GMDS: variants seen among roughly 807,000 people sequenced by gnomAD.
The protein encoded by GMDS is GDP-mannose 4,6-dehydratase, also known as GDP-mannose 4,6 dehydratase.
GMDS carries 20 observed loss-of-function variants against 49.9 expected under a neutral mutation model. That is an observed-to-expected ratio of 0.40 (90% CI 0.28 to 0.58). GMDS has a LOEUF of 0.58. GMDS is among the 20% of genes least tolerant of loss of function. The probability of loss-of-function intolerance (pLI) is 0.42; values close to 1 mark genes in which losing one functional copy is unlikely to be tolerated. For missense variants in GMDS, 362 were observed against 481.4 expected, an observed-to-expected ratio of 0.75 and a Z score of 2.32; for synonymous variants, 177 against 178.6, an observed-to-expected ratio of 0.99 and a Z score of 0.07.
At chr6:1,898,788 C>T (rs1289671041) in intron 7 of GMDS, among the ~76,000 whole-genome samples, 1 of 152,162 alleles carries the variant, frequency 6.6e-6, no homozygotes, top group African/African-American at 2.4e-5. Flanking sequence ...CAAATCCCAG[C>T]GTGTATTGAT....
intron 1 of GMDS, among the ~76,000 whole-genome samples, chr6:2,220,188 C>A (rs981530534): frequency 6.6e-6 from 1 of 152,222 alleles, no homozygotes; most frequent in Non-Finnish European, 1.5e-5. Context: ...CAGCAGAACG[C>A]CTCCTTATCC....
rs182963401 is a variant in GMDS, at chr6:1,804,918, G to A, written c.772-62332C>T. ...GAATGTATTTCCAAGGGCTTCAAAA[G>A]AATTAATGCCTTCGTTCGAGGAAAA... On this transcript the variant is annotated intron_variant, in intron 7 of 10. Transcript: ENST00000380815. Among the ~76,000 whole-genome samples the A allele has an allele frequency of 4.1e-3, 618 of 152,284 alleles. 4 individuals are homozygous for A. The highest frequency in any genetic ancestry group is 6.7e-3 in the Non-Finnish European group (458 of 68,026).
intron 1 of GMDS, among the ~76,000 whole-genome samples, chr6:2,243,036 T>C (rs1420078731): frequency 6.6e-6 from 1 of 152,186 alleles, no homozygotes; most frequent in Non-Finnish European, 1.5e-5. Context: ...GCTACAGAAT[T>C]CAGCACTATG....
intron 7 of GMDS, among the ~76,000 whole-genome samples, chr6:1,800,670 G>A (rs968661913): frequency 1.3e-5 from 2 of 150,854 alleles, no homozygotes; most frequent in African/African-American, 4.9e-5. Context: ...CACCATAATG[G>A]CCAGGCTGGT....
chr6:2,057,898 G>A (rs1403828185), intron 4 of GMDS, among the ~76,000 whole-genome samples: 1 of 152,010 alleles, frequency 6.6e-6, no homozygotes, highest in African/African-American at 2.4e-5. Context: ...ATTTCATTTG[G>A]CTTTAATTAA....
chr6:1,869,952 G>T (rs943745187), intron 7 of GMDS, among the ~76,000 whole-genome samples: 1 of 152,212 alleles, frequency 6.6e-6, no homozygotes, highest in South Asian at 2.1e-4. Context: ...TCCTTCTGCC[G>T]CAGGGTGGGT....
At chr6:1,986,743 T>C (rs1357233909) in intron 4 of GMDS, among the ~76,000 whole-genome samples, 7 of 152,148 alleles carry the variant, frequency 4.6e-5, no homozygotes, top group Admixed American at 2.6e-4. Flanking sequence ...TCTCCACTCA[T>C]TGCTATTAAT....
intron 1 of GMDS, among the ~76,000 whole-genome samples, chr6:2,196,657 G>A (rs998059763): frequency 6.6e-6 from 1 of 152,154 alleles, no homozygotes; most frequent in African/African-American, 2.4e-5. Context: ...AACTTTTAAA[G>A]GTTGCTGTCT....
intron 9 of GMDS, among the ~76,000 whole-genome samples, chr6:1,653,113 C>T (rs1013785445): frequency 4.6e-5 from 7 of 152,054 alleles, no homozygotes; most frequent in South Asian, 4.1e-4. Context: ...CACAGACCCC[C>T]GTGGCACGTC....
chr6:2,120,856 T>C (rs540898844), intron 2 of GMDS, among the ~76,000 whole-genome samples: 7 of 152,330 alleles, frequency 4.6e-5, no homozygotes, highest in African/African-American at 1.7e-4. Flanking sequence ...GAATACTCAT[T>C]AATGAATCCA....
intron 6 of GMDS, among the ~76,000 whole-genome samples, chr6:1,946,294 TCA>T: frequency 6.6e-6 from 1 of 152,236 alleles, no homozygotes; most frequent in Non-Finnish European, 1.5e-5. Context: ...TAATGGACAG[TCA>T]CACAGTTCCA....
chr6:1,873,307 G>A (rs867884788), intron 7 of GMDS, among the ~76,000 whole-genome samples: 6 of 152,110 alleles, frequency 3.9e-5, no homozygotes, highest in African/African-American at 1.2e-4. Context: ...TCCTCCCACC[G>A]CTTCTCCTTC....
chr6:2,076,071 G>C (rs988231756), intron 4 of GMDS, among the ~76,000 whole-genome samples: 17 of 152,176 alleles, frequency 1.1e-4, no homozygotes, highest in Non-Finnish European at 2.4e-4. Context: ...AGAAGTGTCT[G>C]TTCATATCCT....
In GMDS at chr6:1,833,126, C is replaced by CTTTT. The variant is rs34633662; in HGVS notation, c.772-90544_772-90541dup. ...ACCCGGCAGTGGAGCGTATGAAAGC[C>CTTTT]TTTTTTTTTTTTTTTTTTTTTTTAA... On this transcript the variant is annotated intron_variant, in intron 7 of 10. Coordinates refer to ENST00000380815, the MANE Select transcript of GMDS (RefSeq NM_001500.4). The surrounding 1 kb of genome is among the most constrained non-coding windows in gnomAD (Gnocchi z 4.4). Among the ~76,000 whole-genome samples, 1 of 123,394 alleles carries CTTTT rather than the reference C, an allele frequency of 8.1e-6. No individual in the cohort carries two copies. The highest frequency in any genetic ancestry group is 1.7e-5 in the Non-Finnish European group (1 of 59,582). The allele number at this position is 123,394 out of a possible 152,430, so 81.0% of individuals were successfully genotyped here.
chr6:2,122,038 T>A, intron 2 of GMDS, among the ~76,000 whole-genome samples: 1 of 152,358 alleles, frequency 6.6e-6, no homozygotes, highest in East Asian at 1.9e-4. Context: ...TCCTCTGCTA[T>A]CCCTAAGTAG....
chr6:2,139,217 C>CA (rs1342678149), intron 1 of GMDS, among the ~76,000 whole-genome samples: 4 of 151,986 alleles, frequency 2.6e-5, no homozygotes, highest in Admixed American at 6.5e-5. Context: ...AAATTTAAAA[C>CA]AAACATTTCA....
intron 9 of GMDS, among the ~76,000 whole-genome samples, chr6:1,686,258 G>A (rs1764973443): frequency 6.6e-6 from 1 of 152,040 alleles, no homozygotes; most frequent in Non-Finnish European, 1.5e-5. Context: ...TTCAGTTGGT[G>A]TTATGACTTG....
rs1763721385 is a variant in GMDS at position 1,652,613 on chromosome 6, TAATATATATTATTTATATATAA to T, written c.988-28095_988-28074del. On this transcript the variant is annotated intron_variant, in intron 9 of 10. Coordinates refer to ENST00000380815, the MANE Select transcript of GMDS (RefSeq NM_001500.4). ...TATAATATATTATATATAATATATA[TAATATATATTATTTATATATAA>T]TATATATAATATATATTATTTATAT... is the stretch of plus-strand genomic sequence containing the variant. Among the ~76,000 whole-genome samples the T allele has an allele frequency of 2.1e-4, 2 of 9,510 alleles. 1 individual carries two copies. Among genetic ancestry groups the T allele is most frequent in the African/African-American group, 6.1e-4 (2 of 3,282 alleles). The allele number at this position is 9,510 out of a possible 152,430, so 6.2% of individuals were successfully genotyped here. A position where few individuals can be genotyped will look rare whatever the true frequency, so the allele number is the denominator to read the frequency against.
intron 7 of GMDS, among the ~76,000 whole-genome samples, chr6:1,774,766 G>A (rs1463220323): frequency 1.3e-5 from 2 of 152,208 alleles, no homozygotes; most frequent in Non-Finnish European, 2.9e-5. Context: ...TTATAAAGAA[G>A]CAAACTTTCA....
Sources: gnomAD v4.1 joint callset for allele counts (sites outside exome capture counted in the v4.1 genomes callset) on GRCh38, gnomAD v4.1.1 for gene constraint, Gnocchi (gnomAD v3.1) non-coding constraint, MANE v1.5 for transcripts, NCBI Gene and HGNC (gene_info 2026-07-23, HGNC 2026-07-21) for gene names.